ULK4: variants seen among roughly 807,000 people sequenced by gnomAD.
ULK4 encodes the protein unc-51 like kinase 4.
A neutral mutation model predicts 160.6 loss-of-function variants in ULK4; 133 were observed. The observed-to-expected ratio is 0.83, with a 90% CI of 0.72 to 0.96. The LOEUF (loss-of-function observed/expected upper bound fraction) is 0.96, where lower values mean the gene tolerates loss of function less well. Among genes scored for constraint, ULK4 ranks in the 40% least tolerant of loss-of-function variants. ULK4 has a pLI of 0.00. For synonymous variants in ULK4, 534 were observed against 539.8 expected (o/e 0.99, Z 0.15); for missense variants, 1,580 against 1,499.5 (o/e 1.05, Z -0.89).
At chr3:41,675,611 C>CA (rs1417698382) in intron 29 of ULK4, among the ~76,000 whole-genome samples, 4 of 151,388 alleles carry the variant, frequency 2.6e-5, no homozygotes, top group East Asian at 1.9e-4. Context: ...AAACAAACAA[C>CA]AAAAAAAAGA....
chr3:41,858,859 G>A (rs1021410430), intron 17 of ULK4, among the ~76,000 whole-genome samples: 8 of 151,878 alleles, frequency 5.3e-5, no homozygotes, highest in South Asian at 4.2e-4. Flanking sequence ...TCCAAAAGAC[G>A]GCAGAAATAA....
intron 34 of ULK4, among the ~76,000 whole-genome samples, chr3:41,419,363 G>A (rs2082605954): frequency 6.6e-6 from 1 of 152,118 alleles, no homozygotes; most frequent in Admixed American, 6.6e-5. Flanking sequence ...AGGTCAATTA[G>A]ATCACCATCC....
intron 20 of ULK4, among the ~76,000 whole-genome samples, chr3:41,797,718 G>A (rs1361023487): frequency 6.6e-6 from 1 of 151,986 alleles, no homozygotes; most frequent in Non-Finnish European, 1.5e-5. Context: ...AAAATCAGCT[G>A]GGTGTGGCAG....
At chr3:41,942,093 T>C (rs986477739) in intron 2 of ULK4, among the ~76,000 whole-genome samples, 1 of 152,190 alleles carries the variant, frequency 6.6e-6, no homozygotes, top group Non-Finnish European at 1.5e-5. Context: ...CGGTGTTCAA[T>C]GTGGGAGCGA....
At chr3:41,923,881 C>T (rs145430724) in intron 5 of ULK4, among the ~76,000 whole-genome samples, 1 of 152,184 alleles carries the variant, frequency 6.6e-6, no homozygotes, top group East Asian at 1.9e-4. Flanking sequence ...TTGACATAAC[C>T]CCCATTAATC....
chr3:41,663,151 G>A (rs903478438), intron 30 of ULK4, among the ~76,000 whole-genome samples: 1 of 151,868 alleles, frequency 6.6e-6, no homozygotes, highest in African/African-American at 2.4e-5. Context: ...AACCCAGGAG[G>A]TGGAGGTTGC....
intron 30 of ULK4, among the ~76,000 whole-genome samples, chr3:41,629,683 T>C (rs938448660): frequency 6.6e-6 from 1 of 152,038 alleles, no homozygotes; most frequent in Admixed American, 6.6e-5. Flanking sequence ...CTGCAACAAA[T>C]AGAAAAATTT....
At chr3:41,450,068 A>C (rs946974761) in intron 34 of ULK4, among the ~76,000 whole-genome samples, 2 of 152,004 alleles carry the variant, frequency 1.3e-5, no homozygotes, top group Non-Finnish European at 2.9e-5. Flanking sequence ...ACCATAGGAA[A>C]TATCTATTTT....
chr3:41,408,463 G>T (rs57968000), intron 34 of ULK4, among the ~76,000 whole-genome samples: 1 of 147,832 alleles, frequency 6.8e-6, no homozygotes, highest in Non-Finnish European at 1.5e-5. Context: ...ATTAAAGAGC[G>T]TCTACATAAA....
intron 34 of ULK4, among the ~76,000 whole-genome samples, chr3:41,406,619 C>T (rs2082299024): frequency 6.6e-6 from 1 of 152,118 alleles, no homozygotes. Flanking sequence ...GGGACTAGGG[C>T]TTAAGTCTAA....
In ULK4 at chr3:41,406,004, G is replaced by T. The variant is rs192236948; in HGVS notation, c.3493-7740C>A. On this transcript the variant is annotated intron_variant, in intron 34 of 36. Coordinates refer to ENST00000301831, the MANE Select transcript of ULK4 (RefSeq NM_017886.4). The stretch of plus-strand genomic sequence containing the variant: ...CTGTCCATCAATTTTTGTTTGTGTT[G>T]CAATTGCTTTTGAGGATTTAGTCCT... Among the ~76,000 whole-genome samples, 4 of 151,998 alleles carry T rather than the reference G, an allele frequency of 2.6e-5. No individual in the cohort carries two copies. In the South Asian group the frequency reaches 8.3e-4, roughly 31 times the overall value.
At chr3:41,877,573 C>A (rs1253974363) in intron 17 of ULK4, among the ~76,000 whole-genome samples, 1 of 152,112 alleles carries the variant, frequency 6.6e-6, no homozygotes, top group Non-Finnish European at 1.5e-5. Flanking sequence ...GTGATCCACC[C>A]ACCTCAGCTC....
chr3:41,801,248 T>G (rs1353471998), intron 19 of ULK4, among the ~76,000 whole-genome samples: 1 of 152,118 alleles, frequency 6.6e-6, no homozygotes, highest in Admixed American at 6.5e-5. Flanking sequence ...ACAGACTAAA[T>G]GATTAGTGAA....
At chr3:41,271,087 G>A (rs975526970) in intron 35 of ULK4, among the ~76,000 whole-genome samples, 2 of 152,076 alleles carry the variant, frequency 1.3e-5, no homozygotes, top group Admixed American at 6.5e-5. Flanking sequence ...AAGTTTAACT[G>A]ACATATAGTA....
At chr3:41,480,380 C>A in intron 32 of ULK4, among the ~76,000 whole-genome samples, 1 of 150,656 alleles carries the variant, frequency 6.6e-6, no homozygotes, top group East Asian at 1.9e-4. Flanking sequence ...CTTTTTTTTT[C>A]CACTGAAGAA....
chr3:41,305,799 A>C (rs868666829), intron 35 of ULK4, among the ~76,000 whole-genome samples: 30 of 135,044 alleles, frequency 2.2e-4, no homozygotes, highest in Non-Finnish European at 3.7e-4. Context: ...GGCCGCCATC[A>C]CATCTAGGAA....
intron 32 of ULK4, among the ~76,000 whole-genome samples, chr3:41,473,965 T>C (rs1470145610): frequency 6.6e-6 from 1 of 152,162 alleles, no homozygotes; most frequent in Non-Finnish European, 1.5e-5. Context: ...AAAATTTCAA[T>C]AGCATTTTTC....
intron 22 of ULK4, among the ~76,000 whole-genome samples, chr3:41,734,859 G>C (rs1424191842): frequency 6.6e-6 from 1 of 152,102 alleles, no homozygotes; most frequent in Non-Finnish European, 1.5e-5. Flanking sequence ...AGATTAAATG[G>C]ATTGACAGAG....
At chr3:41,628,633 G>A (rs982667743) in intron 30 of ULK4, among the ~76,000 whole-genome samples, 1 of 152,172 alleles carries the variant, frequency 6.6e-6, no homozygotes, top group Admixed American at 6.5e-5. Context: ...AGAAACAAAT[G>A]TAATGTGGGA....
Sources: gnomAD v4.1 joint callset for allele counts (sites outside exome capture counted in the v4.1 genomes callset) on GRCh38, gnomAD v4.1.1 for gene constraint, MANE v1.5 for transcripts, NCBI Gene and HGNC (gene_info 2026-07-23, HGNC 2026-07-21) for gene names.